ATF1: variants seen among roughly 807,000 people sequenced by gnomAD.
ATF1 encodes activating transcription factor 1.
A neutral mutation model predicts 34.7 loss-of-function variants in ATF1; 16 were observed. That is an observed-to-expected ratio of 0.46 (90% CI 0.31 to 0.70). The LOEUF is 0.70. Ranked by LOEUF, ATF1 falls within the 30% of genes least tolerant of loss-of-function variation. The pLI, the probability that ATF1 is intolerant of heterozygous loss-of-function variation, is 0.05. For synonymous variants in ATF1, 105 were observed against 113.1 expected, an observed-to-expected ratio of 0.93 and a Z score of 0.46; for missense variants, 255 against 321.6, an observed-to-expected ratio of 0.79 and a Z score of 1.58.
chr12:50,768,262 T>C (rs139039041), intron 1 of ATF1, among the ~76,000 whole-genome samples: 10 of 152,348 alleles, frequency 6.6e-5, no homozygotes, highest in Admixed American at 3.3e-4. Flanking sequence ...TGACTTTGTC[T>C]ATTCTCTTCT....
At chr12:50,799,376 C>G (rs1941471071) in intron 3 of ATF1, among the ~76,000 whole-genome samples, 1 of 152,068 alleles carries the variant, frequency 6.6e-6, no homozygotes, top group African/African-American at 2.4e-5. Context: ...AGAACGAGTC[C>G]CTGTCCCAAA....
At chr12:50,764,899 G>T (rs1217819709) in intron 1 of ATF1, among the ~76,000 whole-genome samples, 2 of 152,238 alleles carry the variant, frequency 1.3e-5, no homozygotes, top group East Asian at 3.8e-4. Context: ...AGTGGGGACA[G>T]TAGGCGGCTT....
intron 4 of ATF1, 70 bp from the exon 5 acceptor site, chr12:50,813,940 C>G (rs1411444730): frequency 2.1e-6 from 3 of 1,458,968 alleles, no homozygotes; most frequent in Non-Finnish European, 2.8e-6. Flanking sequence ...TGTTTGTGGG[C>G]TTTTTGCCAC....
At chr12:50,765,545 A>C (rs1444138392) in intron 1 of ATF1, among the ~76,000 whole-genome samples, 1 of 152,094 alleles carries the variant, frequency 6.6e-6, no homozygotes, top group East Asian at 1.9e-4. Context: ...TTTTAAATAG[A>C]GATGGTGTCA....
chr12:50,819,032 C>A (rs917833043), intron 6 of ATF1, among the ~76,000 whole-genome samples: 1 of 152,216 alleles, frequency 6.6e-6, no homozygotes, highest in East Asian at 1.9e-4. Flanking sequence ...TAAAAGAAGT[C>A]ATGTGTCAGA....
intron 1 of ATF1, among the ~76,000 whole-genome samples, chr12:50,768,062 G>C (rs1220415032): frequency 6.6e-6 from 1 of 151,948 alleles, no homozygotes; most frequent in Non-Finnish European, 1.5e-5. Flanking sequence ...TAGTAGAGAT[G>C]GGGTTTCATC....
intron 1 of ATF1, among the ~76,000 whole-genome samples, chr12:50,774,756 T>TTG (rs1370856137): frequency 2.0e-4 from 31 of 151,508 alleles, no homozygotes; most frequent in African/African-American, 7.0e-4. Flanking sequence ...GTTTTTGTTT[T>TTG]TTTTTTTTTG....
intron 4 of ATF1, among the ~76,000 whole-genome samples, chr12:50,813,452 AT>A (rs1436841036): frequency 6.6e-6 from 1 of 152,170 alleles, no homozygotes; most frequent in Non-Finnish European, 1.5e-5. Flanking sequence ...AAGTAATAAT[AT>A]TTTTAATGCT....
intron 1 of ATF1, among the ~76,000 whole-genome samples, chr12:50,773,466 T>TTTTTTTTTTTTTTTTTTTTTTTTTTC (rs1156858215): frequency 6.7e-6 from 1 of 149,476 alleles, no homozygotes; most frequent in African/African-American, 2.5e-5. Context: ...TTTTTTTTTT[T>TTTTTTTTTTTTTTTTTTTTTTTTTTC]CGAGACAAAG....
At chr12:50,819,412 G>A (rs1941904098) in intron 6 of ATF1, among the ~76,000 whole-genome samples, 1 of 152,180 alleles carries the variant, frequency 6.6e-6, no homozygotes, top group African/African-American at 2.4e-5. Flanking sequence ...GAACTTTCTG[G>A]GACAGTGGGA....
chr12:50,813,002 GA>G lies in ATF1; in HGVS notation c.329-999del, dbSNP rs540603058. 8.0e-5 allele frequency among the ~76,000 whole-genome samples: 12 copies of G among 150,742 alleles called. No homozygotes were observed. The South Asian group carries it at 1.5e-3, about 18-fold the overall frequency. On this transcript the variant is annotated intron_variant, in intron 4 of 6. Transcript: ENST00000262053. ...CTTCCTGGTAGCCAAAGCATAAAAG[GA>G]AAAAAAAATGTTTCATAACTGTAAT...
At chr12:50,803,886 C>T (rs1941563896) in intron 3 of ATF1, among the ~76,000 whole-genome samples, 2 of 152,184 alleles carry the variant, frequency 1.3e-5, no homozygotes, top group South Asian at 4.2e-4. Context: ...TATGAAACGT[C>T]CAAAATAGAC....
At chr12:50,809,819 C>CGGTTT (rs1555202934) in intron 4 of ATF1, among the ~76,000 whole-genome samples, 1 of 150,982 alleles carries the variant, frequency 6.6e-6, no homozygotes, top group Non-Finnish European at 1.5e-5. Context: ...ACATTAGATA[C>CGGTTT]TGTTTTGTTT....
At chr12:50,793,297 A>C (rs1382003715) in intron 2 of ATF1, among the ~76,000 whole-genome samples, 3 of 152,130 alleles carry the variant, frequency 2.0e-5, no homozygotes, top group Admixed American at 6.6e-5. Flanking sequence ...TAAGCTTAGG[A>C]ACAGACAGTG....
Position 50,819,852 on chromosome 12 carries a change from T to A in ATF1, c.*73T>A. 1.6e-6 allele frequency: 2 copies of A among 1,283,322 alleles called. No individual in the cohort carries two copies. Among genetic ancestry groups the A allele is most frequent in the South Asian group, 1.5e-5 (1 of 67,600 alleles). 79.5% of individuals were successfully genotyped at this position (1,283,322 alleles called of 1,614,324 possible). ...GATTTCCTAGTGGAGTTTTATAAAT[T>A]AAAAGGTCAAAACTGAAGCTTTTTA... On this transcript the variant is annotated 3_prime_UTR_variant, in exon 7 of 7. Coordinates refer to ENST00000262053, the MANE Select transcript of ATF1 (RefSeq NM_005171.5).
At chr12:50,794,051 C>T (rs1039011820) in intron 2 of ATF1, among the ~76,000 whole-genome samples, 2 of 151,736 alleles carry the variant, frequency 1.3e-5, no homozygotes, top group African/African-American at 2.4e-5. Flanking sequence ...CCCAGGTTCA[C>T]GCCCTTCTCC....
At chr12:50,789,912 A>C (rs949322859) in intron 2 of ATF1, among the ~76,000 whole-genome samples, 2 of 152,204 alleles carry the variant, frequency 1.3e-5, no homozygotes, top group African/African-American at 4.8e-5. Context: ...AGGTTAGACG[A>C]ACCGTAGTAA....
At chr12:50,816,979 C>G (rs1459302161) in intron 6 of ATF1, among the ~76,000 whole-genome samples, 1 of 152,104 alleles carries the variant, frequency 6.6e-6, no homozygotes, top group Non-Finnish European at 1.5e-5. Flanking sequence ...ACCCTTTATA[C>G]CCACCCAATT....
intron 2 of ATF1, among the ~76,000 whole-genome samples, chr12:50,791,058 A>G (rs758030755): frequency 2.0e-5 from 3 of 152,116 alleles, no homozygotes; most frequent in Admixed American, 6.5e-5. Flanking sequence ...TAGGGACACA[A>G]CCTTGGCATG....
Sources: gnomAD v4.1 joint callset for allele counts (sites outside exome capture counted in the v4.1 genomes callset) on GRCh38, gnomAD v4.1.1 for gene constraint, MANE v1.5 for transcripts, NCBI Gene and HGNC (gene_info 2026-07-23, HGNC 2026-07-21) for gene names.